Variants in CACNA1D observed in about 807,000 individuals in gnomAD.
The protein encoded by CACNA1D is voltage-dependent L-type calcium channel subunit alpha-1D.
CACNA1D carries 55 observed loss-of-function variants against 257.1 expected under a neutral mutation model. That is an observed-to-expected ratio of 0.21 (90% confidence interval 0.17 to 0.27). The LOEUF is 0.27. Among genes scored for constraint, CACNA1D ranks in the 10% least tolerant of loss-of-function variants. The pLI, the probability that CACNA1D is intolerant of heterozygous loss-of-function variation, is 1.00. For synonymous variants in CACNA1D, 980 were observed against 1,014.9 expected (o/e 0.97, Z 0.65); for missense variants, 1,876 against 2,784.0 (o/e 0.67, Z 7.34).
intron 3 of CACNA1D, among the ~76,000 whole-genome samples, chr3:53,627,681 G>C (rs1392452071): frequency 6.6e-6 from 1 of 151,986 alleles, no homozygotes; most frequent in Admixed American, 6.6e-5. Flanking sequence ...GCCCTGGGCT[G>C]GGGAGATGTC....
At chr3:53,517,199 TC>T (rs1232139084) in intron 3 of CACNA1D, among the ~76,000 whole-genome samples, 1 of 6,094 alleles carries the variant, frequency 1.6e-4, no homozygotes, top group Non-Finnish European at 2.7e-4. Context: ...TGCCTTCTAA[TC>T]CCTCACTGCA....
chr3:53,781,305 C>T (rs2095424213), intron 38 of CACNA1D, among the ~76,000 whole-genome samples: 1 of 152,164 alleles, frequency 6.6e-6, no homozygotes, highest in Non-Finnish European at 1.5e-5. Flanking sequence ...AGGATGGAAT[C>T]AGAGTGGGAC....
At chr3:53,602,738 C>T (rs989212188) in intron 3 of CACNA1D, among the ~76,000 whole-genome samples, 16 of 152,134 alleles carry the variant, frequency 1.1e-4, no homozygotes, top group African/African-American at 3.9e-4. Flanking sequence ...ACCTGTTGGC[C>T]GTTTGTCTTC....
rs1267373632 is a variant in CACNA1D, at chr3:53,747,550, G to T, written c.3314+102G>T. On this transcript the variant is annotated intron_variant, in intron 26 of 47. Coordinates refer to ENST00000350061, the MANE Select transcript of CACNA1D (RefSeq NM_001128840.3). ...CCCATTTCTGTTCTCCAGTGTCGCA[G>T]GATTGCCCTGTGGCTTTTTAACCTT... The T allele has an allele frequency of 3.2e-6, 4 of 1,251,462 alleles. No homozygotes were observed. The Admixed American group carries it at 5.1e-5, about 16-fold the overall frequency. The allele number at this position is 1,251,462 out of a possible 1,614,324, so 77.5% of individuals were successfully genotyped here. A position where few individuals can be genotyped will look rare whatever the true frequency, so the allele number is the denominator to read the frequency against.
intron 3 of CACNA1D, among the ~76,000 whole-genome samples, chr3:53,644,026 G>A (rs1254176447): frequency 6.6e-6 from 1 of 152,214 alleles, no homozygotes; most frequent in Non-Finnish European, 1.5e-5. Flanking sequence ...TTTAATAATA[G>A]TTGGTCAAAA....
intron 8 of CACNA1D, among the ~76,000 whole-genome samples, chr3:53,697,749 CCTT>C (rs1349261846): frequency 1.3e-5 from 2 of 152,106 alleles, no homozygotes; most frequent in Middle Eastern, 3.2e-3. Flanking sequence ...TTATTACTGT[CCTT>C]AGTTATTTCA....
rs1576454501 is a variant in CACNA1D, at chr3:53,719,882, CTG to C, written c.1505+104_1505+105del. The C allele has an allele frequency of 2.0e-5, 21 of 1,070,352 alleles. No homozygotes were observed. In the East Asian group the frequency reaches 4.9e-4, roughly 25 times the overall value. 66.3% of individuals were successfully genotyped at this position (1,070,352 alleles called of 1,614,324 possible). On this transcript the variant is annotated intron_variant, in intron 11 of 47. Transcript: ENST00000350061. ...TATTGCTCTGGACTTGAGTTTTCCT[CTG>C]TGGATTATAACATTGATACTGAATT...
At chr3:53,559,374 G>C (rs973371971) in intron 3 of CACNA1D, among the ~76,000 whole-genome samples, 1 of 152,074 alleles carries the variant, frequency 6.6e-6, no homozygotes. Context: ...GAGTTTTCCA[G>C]TTTTTCGTAT....
At chr3:53,770,595 C>G in intron 32 of CACNA1D, 43 bp downstream of exon 32, 1 of 1,600,152 alleles carries the variant, frequency 6.2e-7, no homozygotes, top group East Asian at 2.2e-5. Flanking sequence ...CTTTGAAGAT[C>G]ATATGTAAGT....
chr3:53,568,263 A>T (rs2092882588), intron 3 of CACNA1D, among the ~76,000 whole-genome samples: 1 of 152,146 alleles, frequency 6.6e-6, no homozygotes. Flanking sequence ...GATGACTGGT[A>T]TTCTTTAAAA....
chr3:53,675,030 G>A (rs1432699062), intron 8 of CACNA1D, among the ~76,000 whole-genome samples: 2 of 152,218 alleles, frequency 1.3e-5, no homozygotes, highest in Admixed American at 6.5e-5. Context: ...AGCAGAGTGC[G>A]TTTATCCATC....
At chr3:53,653,635 C>T (rs2094119947) in intron 4 of CACNA1D, among the ~76,000 whole-genome samples, 2 of 152,006 alleles carry the variant, frequency 1.3e-5, no homozygotes, top group Non-Finnish European at 2.9e-5. Flanking sequence ...GGAATTTGAA[C>T]ATATGGCAAT....
intron 3 of CACNA1D, among the ~76,000 whole-genome samples, chr3:53,614,369 G>C (rs932265421): frequency 6.6e-6 from 1 of 152,098 alleles, no homozygotes; most frequent in African/African-American, 2.4e-5. Context: ...GCCCTCTAGG[G>C]TGCCAAGGGA....
chr3:53,783,936 G>T (rs1042598300), intron 39 of CACNA1D, among the ~76,000 whole-genome samples: 1 of 152,242 alleles, frequency 6.6e-6, no homozygotes, highest in African/African-American at 2.4e-5. Flanking sequence ...TCCACTCCAA[G>T]TGGCTGGGAC....
chr3:53,611,652 T>C (rs2093584746), intron 3 of CACNA1D, among the ~76,000 whole-genome samples: 1 of 152,242 alleles, frequency 6.6e-6, no homozygotes, highest in African/African-American at 2.4e-5. Flanking sequence ...ATTAACCCAG[T>C]TGATCTTGTT....
intron 3 of CACNA1D, among the ~76,000 whole-genome samples, chr3:53,649,535 C>A (rs78339591): frequency 2.0e-5 from 3 of 152,094 alleles, no homozygotes; most frequent in Non-Finnish European, 2.9e-5. Context: ...ACACCTCCCC[C>A]CCACACCAAC....
chr3:53,808,210 C>T (rs1308900699), intron 45 of CACNA1D: 8 of 197,914 alleles, frequency 4.0e-5, no homozygotes, highest in South Asian at 3.5e-4. Context: ...GTCAGGAGAT[C>T]GAGACCATCC....
chr3:53,736,671 C>T (rs563413020), intron 20 of CACNA1D, among the ~76,000 whole-genome samples: 2 of 151,966 alleles, frequency 1.3e-5, no homozygotes, highest in Non-Finnish European at 2.9e-5. Flanking sequence ...ACAGTAGAAT[C>T]GCTTGAGCCC....
chr3:53,592,836 T>C (rs1197840473), intron 3 of CACNA1D, among the ~76,000 whole-genome samples: 2 of 152,134 alleles, frequency 1.3e-5, no homozygotes, highest in Non-Finnish European at 2.9e-5. Flanking sequence ...CCCAGGTGCC[T>C]GCCACCACGC....
Sources: allele counts gnomAD v4.1 joint callset (sites outside exome capture counted in the v4.1 genomes callset), GRCh38; gene constraint gnomAD v4.1.1; transcripts MANE v1.5; gene names NCBI Gene and HGNC (gene_info 2026-07-23, HGNC 2026-07-21).